The following MCTP2 variants were observed in gnomAD, a reference collection of about 807,000 sequenced individuals.
The protein encoded by MCTP2 is multiple C2 and transmembrane domain containing 2.
Under a neutral mutation model 111.6 loss-of-function variants are expected in MCTP2, and 132 were observed. The ratio of observed to expected loss-of-function variants is 1.18; its 90% CI spans 1.03 to 1.37. The LOEUF is 1.37. MCTP2 is among the 40% of genes most tolerant of loss of function. The pLI is 0.00. For synonymous variants in MCTP2, 395 were observed against 387.7 expected (o/e 1.02, Z -0.22); for missense variants, 1,183 against 1,067.9 (o/e 1.11, Z -1.50).
chr15:94,458,400 GCTT>G (rs201905782), intron 20 of MCTP2, among the ~76,000 whole-genome samples, 154 bp downstream of exon 20: 1,775 of 152,248 alleles, frequency 0.012, 31 homozygotes, highest in African/African-American at 0.041. Context: ...ACTTCAGTTG[GCTT>G]CTTAACTTCA....
intron 17 of MCTP2, among the ~76,000 whole-genome samples, chr15:94,413,505 A>G (rs2082245765): frequency 6.6e-6 from 1 of 151,612 alleles, no homozygotes; most frequent in African/African-American, 2.4e-5. Flanking sequence ...GTCATTGGCT[A>G]GGTTTCACTT....
At chr15:94,314,712 C>T (rs1202975215) in intron 3 of MCTP2, 4 of 472,332 alleles carry the variant, frequency 8.5e-6, no homozygotes, top group South Asian at 6.2e-5. Context: ...TTTTATTTGC[C>T]CTTTTCCCTT....
intron 12 of MCTP2, among the ~76,000 whole-genome samples, chr15:94,374,870 C>T (rs556221876): frequency 7.6e-4 from 116 of 152,232 alleles, no homozygotes; most frequent in African/African-American, 2.5e-3. Context: ...ACGCCTAGCT[C>T]GGTGGGGGAG....
rs1301796201 is a variant in MCTP2, at chr15:94,383,825, G to A, written c.1583-197G>A. ...GGCGGTGTGTTTGTTCTAACCCGTT[G>A]AGTATTGCTAAAGGTACAACACTTG... On this transcript the variant is annotated intron_variant, in intron 12 of 22. Coordinates refer to ENST00000357742, the MANE Select transcript of MCTP2 (RefSeq NM_001385001.1). Among the ~76,000 whole-genome samples, 3 of 152,162 alleles carry A rather than the reference G, an allele frequency of 2.0e-5. No individual in the cohort carries two copies. The East Asian group carries it at 5.8e-4, about 29-fold the overall frequency.
intron 14 of MCTP2, among the ~76,000 whole-genome samples, chr15:94,390,993 G>T (rs1434983472): frequency 6.6e-6 from 1 of 152,094 alleles, no homozygotes; most frequent in African/African-American, 2.4e-5. Flanking sequence ...GCCTCCCAAA[G>T]TGCTGGGATT....
At position 94,378,797 on chromosome 15, in the gene MCTP2, A is replaced by C. The variant is rs529905589; in HGVS notation, c.1583-5225A>C. ...AGAGAAGGCCAGGACCCATCTGGAA[A>C]GGCTGGACGTACATGAAAAGTTAGG... On this transcript the variant is annotated intron_variant, in intron 12 of 22. Coordinates refer to ENST00000357742, the MANE Select transcript of MCTP2 (RefSeq NM_001385001.1). 5.9e-5 allele frequency among the ~76,000 whole-genome samples: 9 copies of C among 152,306 alleles called. 1 individual carries two copies. The highest frequency in any genetic ancestry group is 2.2e-4 in the African/African-American group (9 of 41,570).
At chr15:94,443,001 G>C (rs1232986985) in intron 19 of MCTP2, 41 bp downstream of exon 19, 2 of 1,564,876 alleles carry the variant, frequency 1.3e-6, no homozygotes, top group African/African-American at 2.7e-5. Context: ...AAAAACACTA[G>C]TGTTGTCAAC....
rs1196614006 is a variant in MCTP2 at position 94,479,305 on chromosome 15, T to C, written c.*271T>C. 1.0e-5 allele frequency: 5 copies of C among 476,888 alleles called. No homozygotes were observed. The highest frequency in any genetic ancestry group is 3.7e-5 in the South Asian group (1 of 26,728). The allele number at this position is 476,888 out of a possible 1,614,324, so 29.5% of individuals were successfully genotyped here. On this transcript the variant is annotated 3_prime_UTR_variant, in exon 23 of 23. Transcript: ENST00000357742. The stretch of plus-strand genomic sequence containing the variant: ...CTAACATCCATTCTGAAATAGGAGA[T>C]AACAAGGCTGCCATGGATCTGAACA...
chr15:94,279,548 A>G (rs761796425), intron 1 of MCTP2, among the ~76,000 whole-genome samples: 2 of 152,046 alleles, frequency 1.3e-5, no homozygotes, highest in African/African-American at 2.4e-5. Context: ...AAAGAATTGT[A>G]TAGTCTTTGA....
At chr15:94,476,605 CAGAT>C (rs10574224) in intron 21 of MCTP2, 87 bp from the exon 22 acceptor site, 144,049 of 633,362 alleles carry the variant, frequency 0.23, 16,871 homozygotes, top group East Asian at 0.24. Flanking sequence ...GATTGACTGA[CAGAT>C]AGATAGATAG....
intron 1 of MCTP2, among the ~76,000 whole-genome samples, chr15:94,253,080 G>T (rs1596188188): frequency 6.6e-6 from 1 of 152,042 alleles, no homozygotes; most frequent in African/African-American, 2.4e-5. Context: ...TGCAATTGTT[G>T]CTTACTCCTT....
At chr15:94,325,655 C>T (rs143086995) in intron 4 of MCTP2, among the ~76,000 whole-genome samples, 1 of 136,076 alleles carries the variant, frequency 7.3e-6, no homozygotes, top group Non-Finnish European at 1.7e-5. Context: ...TTAAAAGGCA[C>T]CTTATTTGAA....
chr15:94,398,928 A>G (rs1355932059), intron 14 of MCTP2, 33 bp from the exon 15 acceptor site: 1 of 1,305,874 alleles, frequency 7.7e-7, no homozygotes, highest in Non-Finnish European at 1.1e-6. Flanking sequence ...GTAATTTTGC[A>G]CCAATGTGTA....
chr15:94,475,917 G>T (rs552356386), intron 21 of MCTP2, among the ~76,000 whole-genome samples: 7 of 152,026 alleles, frequency 4.6e-5, no homozygotes, highest in Non-Finnish European at 8.8e-5. Flanking sequence ...CGTTCAACCC[G>T]TTTCTAATTA....
chr15:94,406,352 C>G (rs542739773), intron 17 of MCTP2, among the ~76,000 whole-genome samples: 4 of 152,186 alleles, frequency 2.6e-5, no homozygotes, highest in Non-Finnish European at 5.9e-5. Context: ...TTGCTTTAGT[C>G]TGTGCAGGCT....
chr15:94,367,030 A>G (rs540450891), intron 10 of MCTP2, among the ~76,000 whole-genome samples: 1 of 152,358 alleles, frequency 6.6e-6, no homozygotes, highest in South Asian at 2.1e-4. Flanking sequence ...CCATTTGTCC[A>G]AAAGAAACCC....
At chr15:94,387,821 G>A (rs997042837) in intron 14 of MCTP2, among the ~76,000 whole-genome samples, 23 of 152,340 alleles carry the variant, frequency 1.5e-4, no homozygotes, top group African/African-American at 5.1e-4. Context: ...CTGCTAGCCA[G>A]GGAGGGCCTC....
chr15:94,375,658 G>A (rs759688072), intron 12 of MCTP2, among the ~76,000 whole-genome samples: 7 of 152,068 alleles, frequency 4.6e-5, no homozygotes, highest in Non-Finnish European at 8.8e-5. Context: ...GGTAATAAAG[G>A]TGTCACTTGG....
intron 4 of MCTP2, among the ~76,000 whole-genome samples, chr15:94,331,664 C>T (rs901525304): frequency 5.9e-5 from 9 of 152,178 alleles, no homozygotes; most frequent in African/African-American, 1.7e-4. Context: ...TCACTGATTT[C>T]GCTGTATATT....
Sources: allele counts gnomAD v4.1 joint callset (sites outside exome capture counted in the v4.1 genomes callset), GRCh38; gene constraint gnomAD v4.1.1; transcripts MANE v1.5; gene names NCBI Gene and HGNC (gene_info 2026-07-23, HGNC 2026-07-21).